MTRR: variants seen among roughly 807,000 people sequenced by gnomAD.
MTRR encodes the protein 5-methyltetrahydrofolate-homocysteine methyltransferase reductase.
A neutral mutation model predicts 79.2 loss-of-function variants in MTRR; 63 were observed. The ratio of observed to expected loss-of-function variants is 0.80; its 90% CI spans 0.65 to 0.98. MTRR has a LOEUF of 0.98. MTRR is among the 50% of genes least tolerant of loss of function. MTRR has a pLI of 0.00. For missense variants in MTRR, 895 were observed against 839.6 expected (o/e 1.07, Z -0.82); for synonymous variants, 355 against 313.3 (o/e 1.13, Z -1.41).
intron 14 of MTRR, 40 bp from the exon 15 acceptor site, chr5:7,899,874 G>C (rs747597051): frequency 7.4e-6 from 12 of 1,613,046 alleles, no homozygotes; most frequent in Non-Finnish European, 9.3e-6. Context: ...TACTAAAAAT[G>C]CCTGTTTGTA....
In MTRR at chr5:7,899,959, A is replaced by C. The variant is rs767507060; in HGVS notation, c.1998A>C (p.Gln666His). The C allele has an allele frequency of 3.4e-5, 55 of 1,614,086 alleles. No individual in the cohort carries two copies. The Admixed American group carries it at 4.3e-4, about 13-fold the overall frequency. ...AGGATGTACATGATGCCCTTGTGCA[A>C]ATAATAAGCAAAGAGGTTGGAGTTG... ...MAKDVHDALV[Q>H]IISKEVGVEK... The change falls in exon 15 of 15, where the codon CAA becomes CAC. Residue 666 changes from glutamine (Q) to histidine (H), a missense_variant. Gln to His is a conservative substitution (Grantham distance 24). Coordinates refer to ENST00000440940, the MANE Select transcript of MTRR (RefSeq NM_002454.3).
upstream of MTRR, chr5:7,869,015 A>C: frequency 8.1e-7 from 1 of 1,228,882 alleles, no homozygotes; most frequent in Non-Finnish European, 1.2e-6. Flanking sequence ...GTGGTCGCGG[A>C]AGCGCCTGGG....
chr5:7,873,237 A>T, intron 2 of MTRR, 136 bp from the exon 3 acceptor site: 1 of 1,033,038 alleles, frequency 9.7e-7, no homozygotes, highest in Non-Finnish European at 1.5e-6. Flanking sequence ...TAGTCACTGG[A>T]CTGGTCGTCT....
intron 5 of MTRR, among the ~76,000 whole-genome samples, chr5:7,881,302 C>A (rs1489936519): frequency 2.0e-5 from 3 of 152,000 alleles, no homozygotes; most frequent in Non-Finnish European, 4.4e-5. Flanking sequence ...CCTTAGCTAG[C>A]CCAGTGCTTT....
At chr5:7,868,652 A>G (rs906764731), upstream of MTRR, among the ~76,000 whole-genome samples, 2 of 152,202 alleles carry the variant, frequency 1.3e-5, no homozygotes, top group Non-Finnish European at 2.9e-5. Flanking sequence ...GTGTTGAAGG[A>G]AAGGGTCTAC....
In MTRR at chr5:7,897,073, T is replaced by C; in HGVS notation, c.1778T>C (p.Leu593Pro). 1 of 1,614,078 alleles carries C rather than the reference T, an allele frequency of 6.2e-7. No homozygotes were observed. Among genetic ancestry groups the C allele is most frequent in the Non-Finnish European group, 8.5e-7 (1 of 1,179,960 alleles). The change falls in exon 14 of 15, where the codon CTC becomes CCC. Residue 593 changes from leucine to proline, a missense_variant. Physicochemically the swap from Leu to Pro is moderately conservative, Grantham distance 98. Transcript: ENST00000440940. ...KDRDYLFRKE[L>P]RHFLKHGILT... ...TATATATTATATTTCAGAAAAGAGC[T>C]CAGACATTTCCTTAAGCATGGGATC... is the stretch of plus-strand genomic sequence containing the variant.
Position 7,895,715 on chromosome 5 carries a change from A to T in MTRR, c.1558-19A>T, listed in dbSNP as rs1183215042. ...CTAGGTTTTCTTTCATACTTACCAC[A>T]TTTGATGTAATATTTCAGATATCCA... On this transcript the variant is annotated intron_variant, in intron 11 of 14. Transcript: ENST00000440940. 6 of 1,613,794 alleles carry T rather than the reference A, an allele frequency of 3.7e-6. No individual in the cohort carries two copies. The highest frequency in any genetic ancestry group is 5.1e-6 in the Non-Finnish European group (6 of 1,179,760).
At chr5:7,891,469 C>A in intron 10 of MTRR, 55 bp downstream of exon 10, 1 of 1,304,022 alleles carries the variant, frequency 7.7e-7, no homozygotes, top group Non-Finnish European at 1.1e-6. Context: ...ATCTTAGACT[C>A]AGGCTTCCAG....
intron 1 of MTRR, chr5:7,869,966 C>A: frequency 3.1e-6 from 3 of 958,148 alleles, no homozygotes; most frequent in Non-Finnish European, 3.7e-6. Flanking sequence ...CACCGAAAGC[C>A]AAGCTTTTGG....
chr5:7,877,815 C>A, intron 4 of MTRR, 129 bp from the exon 5 acceptor site: 1 of 1,250,840 alleles, frequency 8.0e-7, no homozygotes, highest in Non-Finnish European at 1.1e-6. Flanking sequence ...TTTTGTATTC[C>A]GAATGGTCTT....
Position 7,886,849 on chromosome 5 carries a change from G to A in MTRR, c.1146+146G>A, listed in dbSNP as rs16879316. ...GTTTTTAATATTAGTTCCCAAGGGT[G>A]TGTGCTATCATCGTAACTATCATCT... is the stretch of plus-strand genomic sequence containing the variant. On this transcript the variant is annotated intron_variant, in intron 8 of 14. Transcript: ENST00000440940. The A allele has an allele frequency of 5.3e-3, 3,687 of 690,176 alleles. 106 individuals are homozygous for A. The African/African-American group carries it at 0.059, about 11-fold the overall frequency. The allele number at this position is 690,176 out of a possible 1,614,324, so 42.8% of individuals were successfully genotyped here. A position where few individuals can be genotyped will look rare whatever the true frequency, so the allele number is the denominator to read the frequency against.
chr5:7,879,191 G>C (rs1028681803), intron 5 of MTRR, among the ~76,000 whole-genome samples: 1 of 152,082 alleles, frequency 6.6e-6, no homozygotes, highest in Non-Finnish European at 1.5e-5. Flanking sequence ...AATTGTTTAA[G>C]TGAGATAATT....
chr5:7,891,463 T>C, intron 10 of MTRR, 49 bp downstream of exon 10: 1 of 1,467,642 alleles, frequency 6.8e-7, no homozygotes, highest in Non-Finnish European at 9.5e-7. Context: ...TCCAAAATCT[T>C]AGACTCAGGC....
intron 10 of MTRR, 72 bp from the exon 11 acceptor site, chr5:7,892,655 A>C: frequency 6.9e-7 from 1 of 1,441,020 alleles, no homozygotes; most frequent in Non-Finnish European, 9.8e-7. Context: ...AAACTGAATA[A>C]AAGGATTGGT....
chr5:7,899,766 T>C, intron 14 of MTRR, 148 bp from the exon 15 acceptor site: 1 of 1,096,710 alleles, frequency 9.1e-7, no homozygotes, highest in South Asian at 1.3e-5. Flanking sequence ...TGGGCATGAG[T>C]GAGGCTGGGA....
intron 2 of MTRR, chr5:7,872,279 G>T: frequency 2.2e-6 from 1 of 451,756 alleles, no homozygotes; most frequent in South Asian, 1.6e-5. Flanking sequence ...GGTGTTCATG[G>T]GCAGTAAAGC....
At position 7,900,053 on chromosome 5, in the gene MTRR, T is replaced by G; in HGVS notation, c.2092T>G (p.Ser698Ala). The G allele has an allele frequency of 6.2e-7, 1 of 1,613,146 alleles. No individual in the cohort carries two copies. Among genetic ancestry groups the G allele is most frequent in the African/African-American group, 1.3e-5 (1 of 74,908 alleles). The change falls in exon 15 of 15, where the codon TCA becomes GCA. Residue 698 changes from serine (S) to alanine (A), a missense_variant. Coordinates refer to ENST00000440940, the MANE Select transcript of MTRR (RefSeq NM_002454.3). ...AAAACGCTACCTTCAGGATATTTGGTCATAAAACCAGAAATTAAAGAAAGA... is the reference window on the plus strand; with the variant it reads ...AAAACGCTACCTTCAGGATATTTGGGCATAAAACCAGAAATTAAAGAAAGA... Reference protein sequence around the residue: ...EEKRYLQDIWS With the variant: ...EEKRYLQDIWA
At position 7,878,172 on chromosome 5, in the gene MTRR, TG is replaced by T. The variant is rs759859329; in HGVS notation, c.631del (p.Ala211GlnfsTer2). On this transcript the variant is annotated frameshift_variant, in exon 5 of 15. Coordinates refer to ENST00000440940, the MANE Select transcript of MTRR (RefSeq NM_002454.3). LOFTEE classifies it high-confidence loss of function. ...RKDSEVLKQN[A>X]VNSNQSNVVI... ...AGGATTCTGAGGTTTTGAAGCAAAA[TG>T]CAGTGAACAGCAACCAATCCAATGT... 2 of 1,614,030 alleles carry T rather than the reference TG, an allele frequency of 1.2e-6. No homozygotes were observed. The highest frequency in any genetic ancestry group is 1.3e-5 in the African/African-American group (1 of 74,910).
At chr5:7,890,637 C>A (rs186947697) in intron 9 of MTRR, among the ~76,000 whole-genome samples, 1 of 152,198 alleles carries the variant, frequency 6.6e-6, no homozygotes, top group Admixed American at 6.5e-5. Context: ...AAGTTGAACA[C>A]CCTACTAAAC....
Sources: allele counts gnomAD v4.1 joint callset (sites outside exome capture counted in the v4.1 genomes callset), GRCh38; gene constraint gnomAD v4.1.1; transcripts MANE v1.5; gene names NCBI Gene and HGNC (gene_info 2026-07-23, HGNC 2026-07-21).